AGAP1: variants seen among roughly 807,000 people sequenced by gnomAD.
AGAP1 encodes the protein ArfGAP with GTPase domain, ankyrin repeat and PH domain 1.
In AGAP1, 29 loss-of-function variants were observed where a neutral mutation model predicts 105.3. The ratio of observed to expected loss-of-function variants is 0.28; its 90% CI spans 0.21 to 0.38. The LOEUF is 0.38. Ranked by LOEUF, AGAP1 falls within the 10% of genes least tolerant of loss-of-function variation. The pLI is 1.00. For missense variants in AGAP1, 998 were observed against 1,165.1 expected (o/e 0.86, Z 2.09); for synonymous variants, 509 against 485.9 (o/e 1.05, Z -0.63).
chr2:235,554,948 G>A (rs115084817), intron 1 of AGAP1, among the ~76,000 whole-genome samples: 2,642 of 152,302 alleles, frequency 0.017, 35 homozygotes, highest in South Asian at 0.042. Flanking sequence ...AGGATTACAG[G>A]TGTGAGCCAC....
chr2:235,496,972 G>C (rs1198652323), intron 1 of AGAP1, among the ~76,000 whole-genome samples: 3 of 152,198 alleles, frequency 2.0e-5, no homozygotes, highest in Non-Finnish European at 4.4e-5. Context: ...TGGAGCTGTA[G>C]TTAATTTAGT....
intron 6 of AGAP1, among the ~76,000 whole-genome samples, chr2:235,794,311 G>A (rs1214318401): frequency 1.3e-5 from 2 of 152,158 alleles, no homozygotes; most frequent in African/African-American, 2.4e-5. Flanking sequence ...TCTCAGGAGG[G>A]TAATTAAATT....
At chr2:235,819,432 G>A (rs1021067690) in intron 9 of AGAP1, among the ~76,000 whole-genome samples, 9 of 152,052 alleles carry the variant, frequency 5.9e-5, no homozygotes, top group African/African-American at 1.4e-4. Flanking sequence ...GTATTTCTGT[G>A]TTCTCAAGTG....
intron 13 of AGAP1, among the ~76,000 whole-genome samples, chr2:235,999,424 G>C (rs1475675400): frequency 6.8e-6 from 1 of 146,730 alleles, no homozygotes; most frequent in Non-Finnish European, 1.5e-5. Flanking sequence ...GGTGATGATG[G>C]TGAGAGGTGG....
rs1474002663 is a variant in AGAP1, at chr2:235,930,737, G to A, written c.1325-28G>A. ...GTTTCTGTGGTCTGCAGTCCGCGGT[G>A]GTGTTCACCTGACTTGTTTATTCCT... On this transcript the variant is annotated intron_variant, in intron 11 of 17. Transcript: ENST00000304032. This position sits in a 1 kb window ranked among gnomAD's most constrained non-coding sequence, Gnocchi z 7.9. 4 of 1,608,976 alleles carry A rather than the reference G, an allele frequency of 2.5e-6. No individual in the cohort carries two copies. The highest frequency in any genetic ancestry group is 2.5e-6 in the Non-Finnish European group (3 of 1,177,726).
At chr2:235,742,993 C>A (rs1034189397) in intron 4 of AGAP1, among the ~76,000 whole-genome samples, 2 of 152,114 alleles carry the variant, frequency 1.3e-5, no homozygotes, top group Non-Finnish European at 2.9e-5. Context: ...ATGGTGAAAC[C>A]CCATTTCTAC....
rs1262504378 is a variant in AGAP1, at chr2:235,788,586, G to C, written c.674-9173G>C. ...GGGTAGGTGAGGCCGGGCAAGGAGA[G>C]GAGTGGGAGGGTCCATCGGTGTCGT... On this transcript the variant is annotated intron_variant, in intron 6 of 17. Coordinates refer to ENST00000304032, the MANE Select transcript of AGAP1 (RefSeq NM_001037131.3). This position sits in a 1 kb window ranked among gnomAD's most constrained non-coding sequence, Gnocchi z 6.0. 6.6e-6 allele frequency among the ~76,000 whole-genome samples: 1 copy of C among 152,018 alleles called. No individual in the cohort carries two copies. Among genetic ancestry groups the C allele is most frequent in the Non-Finnish European group, 1.5e-5 (1 of 67,996 alleles).
intron 7 of AGAP1, among the ~76,000 whole-genome samples, chr2:235,798,495 T>C (rs1479422251): frequency 1.3e-5 from 2 of 152,142 alleles, no homozygotes; most frequent in Non-Finnish European, 2.9e-5. Context: ...AAGGACATGG[T>C]GGAAGGGTTC....
chr2:235,909,916 G>A (rs2051494994), intron 11 of AGAP1, among the ~76,000 whole-genome samples: 1 of 152,122 alleles, frequency 6.6e-6, no homozygotes, highest in Non-Finnish European at 1.5e-5. Flanking sequence ...AGCTACTTGG[G>A]AGGCTGAGGC....
intron 6 of AGAP1, among the ~76,000 whole-genome samples, chr2:235,781,184 G>T (rs896374007): frequency 6.6e-6 from 1 of 152,138 alleles, no homozygotes; most frequent in African/African-American, 2.4e-5. Flanking sequence ...TTGAAGCTCA[G>T]TCTTGTGAAA....
At position 235,919,826 on chromosome 2, in the gene AGAP1, C is replaced by T. The variant is rs749581753; in HGVS notation, c.1324+10920C>T. Reference sequence around the variant, plus strand: ...AACAAAGAAAAATTCTTTTCTTCTCCGTCTTCACAATGCTTACACCCCTCA... The same window carrying T: ...AACAAAGAAAAATTCTTTTCTTCTCTGTCTTCACAATGCTTACACCCCTCA... On this transcript the variant is annotated intron_variant, in intron 11 of 17. Transcript: ENST00000304032. This position sits in a 1 kb window ranked among gnomAD's most constrained non-coding sequence, Gnocchi z 4.1. Among the ~76,000 whole-genome samples the T allele has an allele frequency of 2.6e-5, 4 of 152,104 alleles. No homozygotes were observed. Among genetic ancestry groups the T allele is most frequent in the South Asian group, 2.1e-4 (1 of 4,826 alleles).
intron 1 of AGAP1, among the ~76,000 whole-genome samples, chr2:235,658,354 A>G (rs1039374714): frequency 1.3e-5 from 2 of 152,266 alleles, no homozygotes; most frequent in African/African-American, 4.8e-5. Context: ...TGTTCAGAGA[A>G]ATAAGCGATT....
At chr2:235,881,905 TTAAA>T (rs1166154590) in intron 9 of AGAP1, among the ~76,000 whole-genome samples, 2 of 152,264 alleles carry the variant, frequency 1.3e-5, no homozygotes, top group Non-Finnish European at 2.9e-5. Flanking sequence ...GATTCATCTA[TTAAA>T]TACTGTTACT....
Position 235,586,591 on chromosome 2 carries a change from G to A in AGAP1, c.163+91742G>A, listed in dbSNP as rs985380453. ...CCTGTGTGACCTGAAGGCCCTTGCAGGCTGAGGTCTCTTGGTGATAATCCA... is the reference window on the plus strand; with the variant it reads ...CCTGTGTGACCTGAAGGCCCTTGCAAGCTGAGGTCTCTTGGTGATAATCCA... On this transcript the variant is annotated intron_variant, in intron 1 of 17. Coordinates refer to ENST00000304032, the MANE Select transcript of AGAP1 (RefSeq NM_001037131.3). The surrounding 1 kb of genome is among the most constrained non-coding windows in gnomAD (Gnocchi z 4.2). Among the ~76,000 whole-genome samples the A allele has an allele frequency of 6.6e-6, 1 of 152,204 alleles. No individual in the cohort carries two copies. Among genetic ancestry groups the A allele is most frequent in the Non-Finnish European group, 1.5e-5 (1 of 68,038 alleles).
chr2:236,063,076 C>G (rs1351883824), intron 16 of AGAP1, among the ~76,000 whole-genome samples: 1 of 152,146 alleles, frequency 6.6e-6, no homozygotes, highest in African/African-American at 2.4e-5. Flanking sequence ...GGGTGAGGCA[C>G]TGCGCCCCGC....
rs1175297095 is a variant in AGAP1 at position 235,701,250 on chromosome 2, G to A, written c.164-7929G>A. Among the ~76,000 whole-genome samples the A allele has an allele frequency of 6.6e-6, 1 of 152,016 alleles. No individual in the cohort carries two copies. The highest frequency in any genetic ancestry group is 1.5e-5 in the Non-Finnish European group (1 of 68,030). ...AATCCTCTAGAGCCCATTTGGGCCG[G>A]CAAACTTTTGCCTTGGGATTTCCTT... On this transcript the variant is annotated intron_variant, in intron 1 of 17. Coordinates refer to ENST00000304032, the MANE Select transcript of AGAP1 (RefSeq NM_001037131.3). The surrounding 1 kb of genome is among the most constrained non-coding windows in gnomAD (Gnocchi z 4.1).
In AGAP1 at chr2:236,060,549, G is replaced by A. The variant is rs142751849; in HGVS notation, c.2114+11268G>A. On this transcript the variant is annotated intron_variant, in intron 16 of 17. Coordinates refer to ENST00000304032, the MANE Select transcript of AGAP1 (RefSeq NM_001037131.3). ...ATAAAAAATAAAAAACATTAGCCAG[G>A]TATGGTGACGTGCACCTGTGGTCAT... 2.1e-3 allele frequency among the ~76,000 whole-genome samples: 312 copies of A among 152,104 alleles called. 1 individual carries two copies. Among genetic ancestry groups the A allele is most frequent in the Non-Finnish European group, 3.9e-3 (264 of 68,000 alleles).
rs1355017046 is a variant in AGAP1 at position 235,736,341 on chromosome 2, G to A, written c.311-4622G>A. ...TTTGGGGAGACTGAAAACCATTTTT[G>A]AAAATGAAGTTATGCTGATGTCATT... On this transcript the variant is annotated intron_variant, in intron 3 of 17. Coordinates refer to ENST00000304032, the MANE Select transcript of AGAP1 (RefSeq NM_001037131.3). This position sits in a 1 kb window ranked among gnomAD's most constrained non-coding sequence, Gnocchi z 5.5. 6.6e-6 allele frequency among the ~76,000 whole-genome samples: 1 copy of A among 152,000 alleles called. No individual in the cohort carries two copies. Among genetic ancestry groups the A allele is most frequent in the Non-Finnish European group, 1.5e-5 (1 of 68,006 alleles).
At position 235,891,105 on chromosome 2, in the gene AGAP1, G is replaced by A. The variant is rs2050519695; in HGVS notation, c.1155+7656G>A. On this transcript the variant is annotated intron_variant, in intron 10 of 17. Transcript: ENST00000304032. This position sits in a 1 kb window ranked among gnomAD's most constrained non-coding sequence, Gnocchi z 4.2. ...GCCCTGGTTTTCTGCAGGACTGAGG[G>A]GTTCCCAGGGTGCAGGACTTTCATA... 6.6e-6 allele frequency among the ~76,000 whole-genome samples: 1 copy of A among 152,072 alleles called. No individual in the cohort carries two copies.
Sources: gnomAD v4.1 joint callset for allele counts (sites outside exome capture counted in the v4.1 genomes callset) on GRCh38, gnomAD v4.1.1 for gene constraint, Gnocchi (gnomAD v3.1) non-coding constraint, MANE v1.5 for transcripts, NCBI Gene and HGNC (gene_info 2026-07-23, HGNC 2026-07-21) for gene names.